FOXN4: variants seen among roughly 807,000 people sequenced by gnomAD.
The protein encoded by FOXN4 is forkhead box protein N4.
Under a neutral mutation model 45.0 loss-of-function variants are expected in FOXN4, and 12 were observed. That is an observed-to-expected ratio of 0.27 (90% confidence interval 0.17 to 0.43). FOXN4 has a LOEUF of 0.43. Ranked by LOEUF, FOXN4 falls within the 20% of genes least tolerant of loss-of-function variation. The probability of loss-of-function intolerance (pLI) is 1.00; values close to 1 mark genes in which losing one functional copy is unlikely to be tolerated. For missense variants in FOXN4, 560 were observed against 694.9 expected (o/e 0.81, Z 2.18); for synonymous variants, 297 against 295.0 (o/e 1.01, Z -0.07).
intron 8 of FOXN4, 30 bp from the exon 9 acceptor site, chr12:109,281,829 A>T (rs756972504): frequency 1.3e-6 from 2 of 1,535,984 alleles, no homozygotes; most frequent in Admixed American, 3.7e-5. Flanking sequence ...GTCACTCAGA[A>T]CCCACCCAGC....
In FOXN4 at chr12:109,290,249, C is replaced by T. The variant is rs2047754853; in HGVS notation, c.124G>A (p.Asp42Asn). ...GTGAGCCACGACAGCGACTGCAGGT[C>T]CCCGGGAAGGTCATCATCGCTGGTG... Reference protein sequence around the residue: ...ATTSDDDLPGDLQSLSWLTAV... With the variant: ...ATTSDDDLPGNLQSLSWLTAV... Residue 42 changes from aspartate to asparagine, a missense_variant, in exon 3 of 10, where the codon GAC (aspartate) becomes AAC (asparagine). This residue lies in a region of FOXN4 where 142 missense variants were observed against 185.7 expected (regional missense o/e 0.76). Coordinates refer to ENST00000299162, the MANE Select transcript of FOXN4 (RefSeq NM_213596.3). The surrounding 1 kb of genome is among the most constrained non-coding windows in gnomAD (Gnocchi z 5.1). 1.9e-6 allele frequency: 3 copies of T among 1,551,232 alleles called. No homozygotes were observed. Among genetic ancestry groups the T allele is most frequent in the South Asian group, 2.4e-5 (2 of 83,980 alleles).
chr12:109,299,569 G>A (rs544386011), intron 2 of FOXN4, among the ~76,000 whole-genome samples: 10 of 152,234 alleles, frequency 6.6e-5, no homozygotes, highest in South Asian at 2.1e-4. Context: ...CTTAGGCCTC[G>A]ATTTCCTCAT....
At chr12:109,308,018 A>G (rs1452733850) in intron 2 of FOXN4, among the ~76,000 whole-genome samples, 1 of 152,086 alleles carries the variant, frequency 6.6e-6, no homozygotes, top group Non-Finnish European at 1.5e-5. Context: ...TTTGGAGGGG[A>G]CAAGAGACAG....
At chr12:109,280,396 C>T (rs1376299452) in intron 9 of FOXN4, among the ~76,000 whole-genome samples, 2 of 151,410 alleles carry the variant, frequency 1.3e-5, no homozygotes, top group East Asian at 1.9e-4. Context: ...GCAGCAGCCC[C>T]GGGCCCTCAC....
At chr12:109,298,331 G>GTTTTTTTTTTTTTT (rs372774683) in intron 2 of FOXN4, among the ~76,000 whole-genome samples, 1 of 121,438 alleles carries the variant, frequency 8.2e-6, no homozygotes, top group Admixed American at 8.5e-5. Context: ...TTTGTTTCAG[G>GTTTTTTTTTTTTTT]TTTTTTTTTT....
chr12:109,300,003 C>T (rs2047855469), intron 2 of FOXN4, among the ~76,000 whole-genome samples: 1 of 152,210 alleles, frequency 6.6e-6, no homozygotes. Context: ...CAGCTGTCTG[C>T]CTCTCTGAGC....
Position 109,281,515 on chromosome 12 carries a change from G to A in FOXN4, c.1186C>T (p.Pro396Ser). Residue 396 changes from proline to serine, a missense_variant, in exon 9 of 10, where the codon CCC becomes TCC. Pro to Ser is a moderately conservative substitution (Grantham distance 74). This residue lies in a region of FOXN4 where 315 missense variants were observed against 350.5 expected (regional missense o/e 0.90). Coordinates refer to ENST00000299162, the MANE Select transcript of FOXN4 (RefSeq NM_213596.3). ...GGAGCCCTTCCCATGGCGGGGTGGG[G>A]GAGCGGGCTGGGGCTGAGGTCCGGC... The part of the protein sequence containing the change: ...ALPDLSPSPL[P>S]HPAMGRAPVD... The A allele has an allele frequency of 6.2e-7, 1 of 1,613,938 alleles. No individual in the cohort carries two copies. Among genetic ancestry groups the A allele is most frequent in the East Asian group, 2.2e-5 (1 of 44,880 alleles).
intron 8 of FOXN4, among the ~76,000 whole-genome samples, chr12:109,284,601 G>A (rs2047685735): frequency 6.6e-6 from 1 of 150,728 alleles, no homozygotes; most frequent in Admixed American, 6.6e-5. Flanking sequence ...TGGGCTGTCC[G>A]GGCCTCACCA....
chr12:109,288,271 G>A lies in FOXN4; in HGVS notation c.233-91C>T, dbSNP rs535429725. 51 of 1,480,682 alleles carry A rather than the reference G, an allele frequency of 3.4e-5. No individual in the cohort carries two copies. Among genetic ancestry groups the A allele is most frequent in the South Asian group, 5.2e-5 (4 of 76,302 alleles). 91.7% of individuals were successfully genotyped at this position (1,480,682 alleles called of 1,614,324 possible). ...CAGTGCCCAGGTGTCTCCGGAGAAC[G>A]GAGCCAGCCCCTTTCCTCGGACCAG... On this transcript the variant is annotated intron_variant, in intron 3 of 9. Coordinates refer to ENST00000299162, the MANE Select transcript of FOXN4 (RefSeq NM_213596.3). This position sits in a 1 kb window ranked among gnomAD's most constrained non-coding sequence, Gnocchi z 4.3.
Position 109,287,341 on chromosome 12 carries a change from C to T in FOXN4, c.596+56G>A. On this transcript the variant is annotated intron_variant, in intron 6 of 9. Coordinates refer to ENST00000299162, the MANE Select transcript of FOXN4 (RefSeq NM_213596.3). The surrounding 1 kb of genome is among the most constrained non-coding windows in gnomAD (Gnocchi z 4.1). ...GTCTGAGATGCCCTGAGGGCAGCCT[C>T]ATCCCTCTCTCCCGGAGCCGCCCTT... 6.5e-7 allele frequency: 1 copy of T among 1,548,062 alleles called. No individual in the cohort carries two copies.
intron 2 of FOXN4, among the ~76,000 whole-genome samples, chr12:109,295,870 T>A (rs772556362): frequency 1.3e-5 from 2 of 152,188 alleles, no homozygotes; most frequent in Non-Finnish European, 2.9e-5. Flanking sequence ...TTCTTCTGTG[T>A]CTGTCACTGT....
Position 109,291,881 on chromosome 12 carries a change from CAT to C in FOXN4, c.87-1597_87-1596del, listed in dbSNP as rs2136930487. ...TGTTGCCCCTGTGGCACGTGGCCCCCATTGTCCCAGGGTCTCAGTGCAATTGT... is the reference window on the plus strand; with the variant it reads ...TGTTGCCCCTGTGGCACGTGGCCCCCTGTCCCAGGGTCTCAGTGCAATTGT... On this transcript the variant is annotated intron_variant, in intron 2 of 9. Coordinates refer to ENST00000299162, the MANE Select transcript of FOXN4 (RefSeq NM_213596.3). This position sits in a 1 kb window ranked among gnomAD's most constrained non-coding sequence, Gnocchi z 6.6. Among the ~76,000 whole-genome samples the C allele has an allele frequency of 6.6e-6, 1 of 152,312 alleles. No homozygotes were observed. The highest frequency in any genetic ancestry group is 2.1e-4 in the South Asian group (1 of 4,830).
rs1025095122 is a variant in FOXN4, at chr12:109,287,048, T to C, written c.597-304A>G. ...AGCCTTCAGACTTTACCTAGGTTGT[T>C]TCCCCCTCCCCAAACTCCCACGAGG... On this transcript the variant is annotated intron_variant, in intron 6 of 9. Transcript: ENST00000299162. This position sits in a 1 kb window ranked among gnomAD's most constrained non-coding sequence, Gnocchi z 4.1. Among the ~76,000 whole-genome samples the C allele has an allele frequency of 1.3e-5, 2 of 152,174 alleles. No homozygotes were observed. Among genetic ancestry groups the C allele is most frequent in the Non-Finnish European group, 2.9e-5 (2 of 68,034 alleles).
chr12:109,305,596 T>A (rs1253731354), intron 2 of FOXN4, among the ~76,000 whole-genome samples: 1 of 152,016 alleles, frequency 6.6e-6, no homozygotes, highest in Admixed American at 6.5e-5. Flanking sequence ...CAGGCACGGT[T>A]GCTCTCGCCT....
intron 3 of FOXN4, among the ~76,000 whole-genome samples, chr12:109,289,029 A>G (rs1281623476): frequency 6.6e-6 from 1 of 152,252 alleles, no homozygotes; most frequent in East Asian, 1.9e-4. Context: ...CAGCAGCCAC[A>G]GTGGGGAAAG....
rs552977137 is a variant in FOXN4, at chr12:109,287,496, G to T, written c.497C>A (p.Pro166Gln). The T allele has an allele frequency of 2.3e-5, 36 of 1,547,290 alleles. No homozygotes were observed. The highest frequency in any genetic ancestry group is 2.2e-4 in the South Asian group (18 of 83,310). Reference protein sequence around the residue: ...QCPPVGLYGPPFGVRPPYPQP... With the variant: ...QCPPVGLYGPQFGVRPPYPQP... Reference sequence around the variant, plus strand: ...GGGGTAGGGGGGCCGCACCCCAAATGGGGGGCCATAGAGGCCCACAGGAGG... The same window carrying T: ...GGGGTAGGGGGGCCGCACCCCAAATTGGGGGCCATAGAGGCCCACAGGAGG... The change falls in exon 6 of 10, where the codon CCA (proline) becomes CAA (glutamine). Residue 166 changes from proline to glutamine, a missense_variant. Coordinates refer to ENST00000299162, the MANE Select transcript of FOXN4 (RefSeq NM_213596.3). This position sits in a 1 kb window ranked among gnomAD's most constrained non-coding sequence, Gnocchi z 4.1.
At chr12:109,285,564 C>G (rs1400579132) in intron 7 of FOXN4, 53 bp from the exon 8 acceptor site, 2 of 1,588,242 alleles carry the variant, frequency 1.3e-6, no homozygotes, top group African/African-American at 2.7e-5. Flanking sequence ...TTCCCCCTAC[C>G]CCGGGGATCT....
In FOXN4 at chr12:109,287,581, A is replaced by G. The variant is rs944714115; in HGVS notation, c.469-57T>C. On this transcript the variant is annotated intron_variant, in intron 5 of 9. Coordinates refer to ENST00000299162, the MANE Select transcript of FOXN4 (RefSeq NM_213596.3). This position sits in a 1 kb window ranked among gnomAD's most constrained non-coding sequence, Gnocchi z 4.1. Reference sequence around the variant, plus strand: ...CAGAGAAAGAGAGAAGGTGAGAAATAACATACGTCACTCACAGTAACACTG... The same window carrying G: ...CAGAGAAAGAGAGAAGGTGAGAAATGACATACGTCACTCACAGTAACACTG... The G allele has an allele frequency of 2.0e-6, 3 of 1,476,926 alleles. No homozygotes were observed. The African/African-American group carries it at 4.3e-5, about 21-fold the overall frequency. 91.5% of individuals were successfully genotyped at this position (1,476,926 alleles called of 1,614,324 possible). A position where few individuals can be genotyped will look rare whatever the true frequency, so the allele number is the denominator to read the frequency against.
intron 2 of FOXN4, among the ~76,000 whole-genome samples, chr12:109,299,101 G>A (rs1202498381): frequency 6.6e-6 from 1 of 152,044 alleles, no homozygotes; most frequent in Non-Finnish European, 1.5e-5. Flanking sequence ...AAACTACGTG[G>A]GTGATCTGTC....
Sources: allele counts gnomAD v4.1 joint callset (sites outside exome capture counted in the v4.1 genomes callset), GRCh38; gene constraint gnomAD v4.1.1; regional missense constraint gnomAD v4.1.1; non-coding constraint Gnocchi (gnomAD v3.1); transcripts MANE v1.5; gene names NCBI Gene and HGNC (gene_info 2026-07-23, HGNC 2026-07-21).